The following PIK3AP1 variants were observed in gnomAD, a reference collection of about 807,000 sequenced individuals.
PIK3AP1 encodes phosphoinositide 3-kinase adapter protein 1.
In PIK3AP1, 21 loss-of-function variants were observed where a neutral mutation model predicts 88.1. That is an observed-to-expected ratio of 0.24 (90% CI 0.17 to 0.34). PIK3AP1 has a LOEUF of 0.34. Ranked by LOEUF, PIK3AP1 falls within the 10% of genes least tolerant of loss-of-function variation. PIK3AP1 has a pLI of 1.00. For missense variants in PIK3AP1, 828 were observed against 1,035.7 expected, an observed-to-expected ratio of 0.80 and a Z score of 2.75; for synonymous variants, 398 against 400.0, an observed-to-expected ratio of 1.00 and a Z score of 0.06.
At chr10:96,637,366 A>G (rs1227840661) in intron 8 of PIK3AP1, among the ~76,000 whole-genome samples, 1 of 147,394 alleles carries the variant, frequency 6.8e-6, no homozygotes, top group African/African-American at 2.5e-5. Context: ...ACTCTGTGAT[A>G]GTTATTTTAT....
At chr10:96,680,983 GT>G (rs1202634796) in intron 2 of PIK3AP1, among the ~76,000 whole-genome samples, 3 of 152,214 alleles carry the variant, frequency 2.0e-5, no homozygotes, top group Non-Finnish European at 4.4e-5. Flanking sequence ...CAATAAATCT[GT>G]ATTCATTTGC....
intron 7 of PIK3AP1, among the ~76,000 whole-genome samples, chr10:96,648,428 G>A (rs903345618): frequency 2.6e-5 from 4 of 152,162 alleles, no homozygotes; most frequent in African/African-American, 9.7e-5. Flanking sequence ...ACTGAGAGAG[G>A]ATACGTGACT....
In PIK3AP1 at chr10:96,648,656, T is replaced by C; in HGVS notation, c.1185+3A>G. On this transcript the variant is annotated splice_donor_region_variant and intron_variant, in intron 7 of 16. Coordinates refer to ENST00000339364, the MANE Select transcript of PIK3AP1 (RefSeq NM_152309.3). ...TCCTGGGCCCCTCCTGCCTTGACCT[T>C]ACCACATACTCGTCGATGAACTGCC... 1.9e-6 allele frequency: 3 copies of C among 1,604,694 alleles called. No individual in the cohort carries two copies. Among genetic ancestry groups the C allele is most frequent in the Non-Finnish European group, 2.6e-6 (3 of 1,176,468 alleles).
At chr10:96,615,206 G>A (rs565901282) in intron 13 of PIK3AP1, among the ~76,000 whole-genome samples, 1 of 152,318 alleles carries the variant, frequency 6.6e-6, no homozygotes, top group Admixed American at 6.5e-5. Context: ...ACAGGGTTTG[G>A]GGGAGAATGG....
Position 96,595,048 on chromosome 10 carries a change from CTT to C in PIK3AP1, c.*527_*528del, listed in dbSNP as rs1848731829. ...AGGAGTTTGTACTAATCCCTCTAGTCTTTTTCAGTTGGTTGTGTGTGACCAGC... is the reference window on the plus strand; with the variant it reads ...AGGAGTTTGTACTAATCCCTCTAGTCTTTCAGTTGGTTGTGTGTGACCAGC... On this transcript the variant is annotated 3_prime_UTR_variant, in exon 17 of 17. Transcript: ENST00000339364. 6.4e-6 allele frequency: 1 copy of C among 155,148 alleles called. No individual in the cohort carries two copies. The highest frequency in any genetic ancestry group is 2.4e-5 in the African/African-American group (1 of 41,434). The allele number at this position is 155,148 out of a possible 1,614,324, so 9.6% of individuals were successfully genotyped here. A position where few individuals can be genotyped will look rare whatever the true frequency, so the allele number is the denominator to read the frequency against.
intron 14 of PIK3AP1, among the ~76,000 whole-genome samples, chr10:96,607,731 G>C (rs1001154462): frequency 6.6e-6 from 1 of 152,172 alleles, no homozygotes; most frequent in African/African-American, 2.4e-5. Flanking sequence ...AGAGGCCCCG[G>C]AGGATGAGAG....
intron 2 of PIK3AP1, chr10:96,700,718 C>T (rs1014514587): frequency 9.5e-6 from 7 of 733,392 alleles, no homozygotes; most frequent in Non-Finnish European, 1.0e-5. Flanking sequence ...GCACCACAAT[C>T]GTTGCTTTCA....
intron 2 of PIK3AP1, among the ~76,000 whole-genome samples, chr10:96,660,757 G>A (rs185125601): frequency 1.4e-3 from 214 of 152,302 alleles, no homozygotes; most frequent in Middle Eastern, 6.8e-3. Context: ...AAGTGACCAA[G>A]ATGTCCTTCA....
At chr10:96,663,144 A>T (rs1843715568) in intron 2 of PIK3AP1, among the ~76,000 whole-genome samples, 1 of 152,084 alleles carries the variant, frequency 6.6e-6, no homozygotes, top group African/African-American at 2.4e-5. Flanking sequence ...GGAGATTGGC[A>T]GGATTGTGGG....
rs11407501 is a variant in PIK3AP1 at position 96,601,473 on chromosome 10, C to CAAAAA, written c.2360+802_2360+806dup. ...TGGGTAACAGAACAAGAATCTATCT[C>CAAAAA]AAAAAAAAAAAAAAAAAAAAGGAAA... On this transcript the variant is annotated intron_variant, in intron 16 of 16. Transcript: ENST00000339364. 1.0e-3 allele frequency among the ~76,000 whole-genome samples: 77 copies of CAAAAA among 75,100 alleles called. 3 individuals are homozygous for CAAAAA. Among genetic ancestry groups the CAAAAA allele is most frequent in the Middle Eastern group, 9.1e-3 (1 of 110 alleles). The allele number at this position is 75,100 out of a possible 152,430, so 49.3% of individuals were successfully genotyped here.
chr10:96,700,913 G>A (rs1466870577), intron 2 of PIK3AP1: 1 of 981,974 alleles, frequency 1.0e-6, no homozygotes, highest in Non-Finnish European at 1.2e-6. Flanking sequence ...CCAAGGCCAG[G>A]CTCTGAGCCC....
intron 9 of PIK3AP1, 151 bp downstream of exon 9, chr10:96,628,247 C>T (rs1243067325): frequency 1.4e-5 from 10 of 722,040 alleles, no homozygotes; most frequent in Admixed American, 6.0e-5. Flanking sequence ...GTAGAGGGGT[C>T]GGGGGAGGCA....
At chr10:96,701,253 T>C (rs1313611700) in intron 2 of PIK3AP1, among the ~76,000 whole-genome samples, 4 of 152,206 alleles carry the variant, frequency 2.6e-5, no homozygotes, top group African/African-American at 9.6e-5. Flanking sequence ...TCTCTGATCC[T>C]TTCTCTTCCT....
chr10:96,690,479 G>T (rs1343937830), intron 2 of PIK3AP1, among the ~76,000 whole-genome samples: 1 of 152,062 alleles, frequency 6.6e-6, no homozygotes, highest in African/African-American at 2.4e-5. Flanking sequence ...TCCCTGGCTA[G>T]TCTTAGACTC....
At chr10:96,664,745 C>T (rs962963239) in intron 2 of PIK3AP1, among the ~76,000 whole-genome samples, 1 of 152,194 alleles carries the variant, frequency 6.6e-6, no homozygotes, top group Admixed American at 6.5e-5. Flanking sequence ...CCACCAGCAG[C>T]TCACTCATTT....
intron 2 of PIK3AP1, among the ~76,000 whole-genome samples, chr10:96,673,035 T>C (rs559258336): frequency 6.6e-6 from 1 of 152,292 alleles, no homozygotes; most frequent in African/African-American, 2.4e-5. Context: ...TAGAACCACA[T>C]GCAGAATTCA....
At chr10:96,691,221 A>G (rs1355945549) in intron 2 of PIK3AP1, among the ~76,000 whole-genome samples, 1 of 152,096 alleles carries the variant, frequency 6.6e-6, no homozygotes, top group East Asian at 1.9e-4. Context: ...CCCTCAAACT[A>G]ACTCCCCACT....
At chr10:96,618,075 A>T (rs1843020408) in intron 12 of PIK3AP1, among the ~76,000 whole-genome samples, 1 of 152,234 alleles carries the variant, frequency 6.6e-6, no homozygotes, top group African/African-American at 2.4e-5. Flanking sequence ...GGAGATGCTC[A>T]GGAAGTGGCT....
chr10:96,622,529 A>T (rs1254340786), intron 11 of PIK3AP1, among the ~76,000 whole-genome samples: 1 of 152,212 alleles, frequency 6.6e-6, no homozygotes, highest in Non-Finnish European at 1.5e-5. Context: ...TTTATCTATC[A>T]TTCTGCCCAA....
Sources: gnomAD v4.1 joint callset for allele counts (sites outside exome capture counted in the v4.1 genomes callset) on GRCh38, gnomAD v4.1.1 for gene constraint, MANE v1.5 for transcripts, NCBI Gene and HGNC (gene_info 2026-07-23, HGNC 2026-07-21) for gene names.